The following GABRB1 variants were observed in gnomAD, a reference collection of about 807,000 sequenced individuals.
The protein encoded by GABRB1 is gamma-aminobutyric acid type A receptor subunit beta1.
In GABRB1, 17 loss-of-function variants were observed where a neutral mutation model predicts 51.6. The observed-to-expected ratio is 0.33, with a 90% confidence interval of 0.23 to 0.49. The LOEUF (loss-of-function observed/expected upper bound fraction) is 0.49. GABRB1 is among the 20% of genes least tolerant of loss of function. The pLI, the probability that GABRB1 is intolerant of heterozygous loss-of-function variation, is 0.99. For synonymous variants in GABRB1, 247 were observed against 218.9 expected, an observed-to-expected ratio of 1.13 and a Z score of -1.14; for missense variants, 410 against 600.6, an observed-to-expected ratio of 0.68 and a Z score of 3.32.
intron 1 of GABRB1, among the ~76,000 whole-genome samples, chr4:47,001,267 C>G (rs1039559680): frequency 3.9e-5 from 6 of 151,980 alleles, no homozygotes; most frequent in Admixed American, 6.6e-5. Context: ...CTCAGCCTCC[C>G]GAGTAGCTGG....
chr4:47,371,733 C>T (rs1429132359), intron 5 of GABRB1, among the ~76,000 whole-genome samples: 4 of 152,092 alleles, frequency 2.6e-5, no homozygotes, highest in African/African-American at 9.7e-5. Flanking sequence ...GCATGAATGC[C>T]TTGTTTTGAG....
At chr4:47,052,909 T>C (rs1726418946) in intron 3 of GABRB1, among the ~76,000 whole-genome samples, 1 of 152,188 alleles carries the variant, frequency 6.6e-6, no homozygotes, top group African/African-American at 2.4e-5. Flanking sequence ...TTGCAGTTAA[T>C]TCTGGTGGAA....
rs752953665 is a variant in GABRB1, at chr4:47,425,757, C to T, written c.1164C>T (p.Ser388=). ...TSGSEVLTSV[S]DPKATMYSYD... ...GCTCGGAAGTGCTCACGAGCGTGAG[C>T]GACCCCAAGGCCACCATGTACTCCT... The change falls in exon 9 of 9, where the codon AGC becomes AGT. Residue 388 remains serine, a synonymous_variant. Coordinates refer to ENST00000295454, the MANE Select transcript of GABRB1 (RefSeq NM_000812.4). 1.9e-6 allele frequency: 3 copies of T among 1,614,034 alleles called. No individual in the cohort carries two copies. The highest frequency in any genetic ancestry group is 2.7e-5 in the African/African-American group (2 of 74,932).
intron 5 of GABRB1, among the ~76,000 whole-genome samples, chr4:47,330,633 A>G (rs1725444243): frequency 6.6e-6 from 1 of 152,150 alleles, no homozygotes; most frequent in Non-Finnish European, 1.5e-5. Context: ...CAGAAATAAT[A>G]TAGAAGACAT....
At chr4:47,112,870 T>C (rs1228293104) in intron 3 of GABRB1, among the ~76,000 whole-genome samples, 1 of 152,210 alleles carries the variant, frequency 6.6e-6, no homozygotes, top group Non-Finnish European at 1.5e-5. Context: ...TGTATAATTA[T>C]AAAATTATCT....
chr4:47,113,953 C>T (rs1267511218), intron 3 of GABRB1, among the ~76,000 whole-genome samples: 1 of 152,188 alleles, frequency 6.6e-6, no homozygotes, highest in African/African-American at 2.4e-5. Context: ...TTTCTACTTT[C>T]TCAGCCAGAA....
At chr4:47,122,149 G>C (rs531935126) in intron 3 of GABRB1, among the ~76,000 whole-genome samples, 1 of 152,212 alleles carries the variant, frequency 6.6e-6, no homozygotes, top group East Asian at 1.9e-4. Flanking sequence ...ACACTGCCCT[G>C]AGCTTATACC....
chr4:47,239,085 T>C (rs1721430341), intron 4 of GABRB1, among the ~76,000 whole-genome samples: 1 of 152,218 alleles, frequency 6.6e-6, no homozygotes, highest in African/African-American at 2.4e-5. Flanking sequence ...TTTAATTGAG[T>C]TATACTTACA....
At chr4:47,410,266 T>G (rs1404925465) in intron 8 of GABRB1, among the ~76,000 whole-genome samples, 4 of 152,132 alleles carry the variant, frequency 2.6e-5, no homozygotes, top group Non-Finnish European at 5.9e-5. Flanking sequence ...CAAAAACAAA[T>G]CATATTAAAA....
In GABRB1 at chr4:47,231,346, A is replaced by G. The variant is rs140522045; in HGVS notation, c.461+69877A>G. On this transcript the variant is annotated intron_variant, in intron 4 of 8. Transcript: ENST00000295454. ...AGTAATATTCTGTGTTAGTCAATTG[A>G]TTTCTTTGAGCCTTTATTCTTTCAT... Among the ~76,000 whole-genome samples the G allele has an allele frequency of 5.3e-5, 8 of 152,248 alleles. No individual in the cohort carries two copies. The East Asian group carries it at 1.5e-3, about 29-fold the overall frequency.
rs566009201 is a variant in GABRB1 at position 47,277,038 on chromosome 4, T to G, written c.462-43089T>G. 2.6e-5 allele frequency among the ~76,000 whole-genome samples: 4 copies of G among 152,254 alleles called. No homozygotes were observed. In the East Asian group the frequency reaches 7.7e-4, roughly 29 times the overall value. On this transcript the variant is annotated intron_variant, in intron 4 of 8. Transcript: ENST00000295454. ...TCCTTGAACTTAGATGGGAAAATTT[T>G]ACATCTTTACACTAATATTTAATAG...
intron 1 of GABRB1, among the ~76,000 whole-genome samples, chr4:47,019,690 T>TCTTCTTTCCTTCTTTC (rs1208648008): frequency 1.7e-5 from 2 of 117,598 alleles, no homozygotes; most frequent in Non-Finnish European, 3.6e-5. Flanking sequence ...CTTCTTTCCT[T>TCTTCTTTCCTTCTTTC]CTTCTTTCCT....
At chr4:47,150,676 C>T (rs1055119015) in intron 3 of GABRB1, among the ~76,000 whole-genome samples, 11 of 151,390 alleles carry the variant, frequency 7.3e-5, no homozygotes, top group South Asian at 2.1e-4. Context: ...ATGTTATAAG[C>T]ATGAGCAAAA....
chr4:47,203,400 G>GA (rs1178572590), intron 4 of GABRB1, among the ~76,000 whole-genome samples: 2 of 115,632 alleles, frequency 1.7e-5, no homozygotes, highest in Admixed American at 8.9e-5. Flanking sequence ...CTTATCAGAG[G>GA]AGAGTCCATT....
At chr4:47,192,186 C>T (rs924217960) in intron 4 of GABRB1, among the ~76,000 whole-genome samples, 1 of 152,014 alleles carries the variant, frequency 6.6e-6, no homozygotes, top group East Asian at 1.9e-4. Context: ...TACTAGATCC[C>T]TATGTCTTTA....
intron 4 of GABRB1, among the ~76,000 whole-genome samples, chr4:47,318,428 ACAT>A (rs143110950): frequency 4.0e-4 from 61 of 152,016 alleles, no homozygotes; most frequent in African/African-American, 1.3e-3. Flanking sequence ...GCAAAATACA[ACAT>A]CATCATCATC....
At chr4:47,242,717 A>G (rs900834202) in intron 4 of GABRB1, among the ~76,000 whole-genome samples, 37 of 152,094 alleles carry the variant, frequency 2.4e-4, no homozygotes, top group Non-Finnish European at 1.9e-4. Flanking sequence ...TCCTTTGCCC[A>G]CTTTTTGATG....
intron 4 of GABRB1, among the ~76,000 whole-genome samples, chr4:47,200,685 T>G (rs577836733): frequency 6.6e-6 from 1 of 152,286 alleles, no homozygotes; most frequent in African/African-American, 2.4e-5. Context: ...CCCAGAGCTT[T>G]GCGCACAAGG....
At chr4:47,335,240 C>T (rs1725653367) in intron 5 of GABRB1, among the ~76,000 whole-genome samples, 1 of 151,948 alleles carries the variant, frequency 6.6e-6, no homozygotes, top group African/African-American at 2.4e-5. Context: ...CACGGGTCAC[C>T]TGCATTCACT....
Sources: allele counts gnomAD v4.1 joint callset (sites outside exome capture counted in the v4.1 genomes callset), GRCh38; gene constraint gnomAD v4.1.1; transcripts MANE v1.5; gene names NCBI Gene and HGNC (gene_info 2026-07-23, HGNC 2026-07-21).